PRTG: variants seen among roughly 807,000 people sequenced by gnomAD.
The protein encoded by PRTG is protogenin, also known as immunoglobulin superfamily, DCC subclass, member 5.
In PRTG, 67 loss-of-function variants were observed where a neutral mutation model predicts 122.5. That is an observed-to-expected ratio of 0.55 (90% CI 0.45 to 0.67). PRTG has a LOEUF of 0.67. Ranked by LOEUF, PRTG falls within the 30% of genes least tolerant of loss-of-function variation. The probability of loss-of-function intolerance (pLI) is 0.00; values close to 1 mark genes in which losing one functional copy is unlikely to be tolerated. For missense variants in PRTG, 1,435 were observed against 1,415.4 expected (o/e 1.01, Z -0.22); for synonymous variants, 554 against 501.1 (o/e 1.11, Z -1.41).
intron 15 of PRTG, 137 bp downstream of exon 15, chr15:55,637,033 T>C: frequency 1.4e-6 from 1 of 723,188 alleles, no homozygotes; most frequent in Non-Finnish European, 2.1e-6. Flanking sequence ...CGATGCCCTT[T>C]GAACAAAGCC....
intron 11 of PRTG, among the ~76,000 whole-genome samples, chr15:55,649,091 A>AT (rs1409724926): frequency 6.6e-6 from 1 of 151,568 alleles, no homozygotes; most frequent in Non-Finnish European, 1.5e-5. Flanking sequence ...TCCGTCTCAA[A>AT]AAAAAAAAGA....
chr15:55,692,686 C>T (rs990605858), intron 2 of PRTG, among the ~76,000 whole-genome samples: 3 of 151,594 alleles, frequency 2.0e-5, no homozygotes, highest in South Asian at 4.2e-4. Context: ...TTTTGATTTA[C>T]AGCTGTTCTA....
At chr15:55,742,739 C>A in intron 1 of PRTG, 99 bp downstream of exon 1, 1 of 1,433,886 alleles carries the variant, frequency 7.0e-7, no homozygotes, top group Non-Finnish European at 9.5e-7. Context: ...AGGACCCCGC[C>A]GCGCGCTCCC....
chr15:55,720,272 T>G (rs1219201040), intron 2 of PRTG, among the ~76,000 whole-genome samples: 2 of 151,552 alleles, frequency 1.3e-5, no homozygotes, highest in African/African-American at 4.9e-5. Context: ...GAGAATTGCT[T>G]GAACCACCTG....
chr15:55,677,038 T>C (rs2059506549), intron 8 of PRTG, among the ~76,000 whole-genome samples: 1 of 152,188 alleles, frequency 6.6e-6, no homozygotes, highest in Non-Finnish European at 1.5e-5. Context: ...AGCTAGGCTG[T>C]TGAAGTATAG....
chr15:55,655,348 C>T (rs2059373848), intron 11 of PRTG: 1 of 152,068 alleles, frequency 6.6e-6, no homozygotes, highest in Admixed American at 6.6e-5. Context: ...AAATGGTTTT[C>T]AACACGTATG....
At chr15:55,625,295 A>G (rs1595600723) in intron 17 of PRTG, among the ~76,000 whole-genome samples, 4 of 152,352 alleles carry the variant, frequency 2.6e-5, no homozygotes, top group African/African-American at 2.4e-5. Context: ...CACTCAATCC[A>G]TGTTTATTAC....
intron 15 of PRTG, among the ~76,000 whole-genome samples, chr15:55,633,190 T>A (rs2059237218): frequency 6.6e-6 from 1 of 152,152 alleles, no homozygotes; most frequent in Non-Finnish European, 1.5e-5. Context: ...TTAAAAAGAA[T>A]TGAGCAGTTT....
chr15:55,649,762 G>A (rs115939212), intron 11 of PRTG, among the ~76,000 whole-genome samples: 8,985 of 151,716 alleles, frequency 0.059, 340 homozygotes, highest in Middle Eastern at 0.13. Context: ...ACTGCACTCC[G>A]GCCTGGGAGA....
chr15:55,730,122 G>C (rs979372742), intron 2 of PRTG, among the ~76,000 whole-genome samples: 3 of 151,750 alleles, frequency 2.0e-5, no homozygotes, highest in Non-Finnish European at 4.4e-5. Context: ...TTTTTTTTGA[G>C]ATGGGGTTTC....
intron 2 of PRTG, chr15:55,702,983 A>G (rs1439372573): frequency 7.5e-6 from 7 of 935,720 alleles, no homozygotes; most frequent in Non-Finnish European, 3.8e-6. Flanking sequence ...GGGAATTCTC[A>G]TAATATTCAA....
intron 18 of PRTG, among the ~76,000 whole-genome samples, chr15:55,623,875 T>G (rs1402530605): frequency 3.9e-5 from 6 of 152,206 alleles, no homozygotes; most frequent in African/African-American, 1.4e-4. Flanking sequence ...CCTATTTAGA[T>G]GCTCCATATT....
chr15:55,629,643 C>T (rs1485826898), intron 15 of PRTG, among the ~76,000 whole-genome samples: 2 of 151,990 alleles, frequency 1.3e-5, no homozygotes, highest in Non-Finnish European at 2.9e-5. Flanking sequence ...TACGGGCCCA[C>T]TCCACTGTGC....
At chr15:55,676,989 T>G (rs908657626) in intron 8 of PRTG, among the ~76,000 whole-genome samples, 2 of 152,168 alleles carry the variant, frequency 1.3e-5, no homozygotes, top group African/African-American at 4.8e-5. Flanking sequence ...ATCCCCATCC[T>G]TAGGTGTTTG....
intron 2 of PRTG, among the ~76,000 whole-genome samples, chr15:55,709,529 G>C (rs190142819): frequency 2.0e-5 from 3 of 151,740 alleles, no homozygotes; most frequent in African/African-American, 7.3e-5. Context: ...CAACTCTTAG[G>C]TATCTACCCA....
intron 18 of PRTG, among the ~76,000 whole-genome samples, chr15:55,623,223 C>T (rs1428046272): frequency 6.6e-6 from 1 of 152,102 alleles, no homozygotes; most frequent in African/African-American, 2.4e-5. Context: ...CACATATGGC[C>T]TGTGTCCTAT....
chr15:55,632,283 G>C (rs1452918864), intron 15 of PRTG, among the ~76,000 whole-genome samples: 2 of 152,016 alleles, frequency 1.3e-5, no homozygotes, highest in African/African-American at 4.8e-5. Flanking sequence ...TATCTGACTG[G>C]CTTTTTTTTC....
At chr15:55,647,289 A>G (rs2059329502) in intron 11 of PRTG, among the ~76,000 whole-genome samples, 1 of 152,200 alleles carries the variant, frequency 6.6e-6, no homozygotes, top group Non-Finnish European at 1.5e-5. Context: ...CAAAATAAAA[A>G]AGGAAGAGTC....
At chr15:55,726,360 A>G (rs941421700) in intron 2 of PRTG, among the ~76,000 whole-genome samples, 2 of 152,162 alleles carry the variant, frequency 1.3e-5, no homozygotes, top group African/African-American at 2.4e-5. Context: ...TACAAGCATG[A>G]GCTACTGTGC....
Sources: allele counts gnomAD v4.1 joint callset (sites outside exome capture counted in the v4.1 genomes callset), GRCh38; gene constraint gnomAD v4.1.1; transcripts MANE v1.5; gene names NCBI Gene and HGNC (gene_info 2026-07-23, HGNC 2026-07-21).